Variants in TMEM119 observed in about 807,000 individuals in gnomAD.
The protein encoded by TMEM119 is transmembrane protein 119, also known as osteoblast induction factor.
For synonymous variants in TMEM119, 182 were observed against 176.4 expected (o/e 1.03, Z -0.25); for missense variants, 410 against 381.0 (o/e 1.08, Z -0.63).
intron 1 of TMEM119, among the ~76,000 whole-genome samples, chr12:108,595,306 C>T (rs1301167758): frequency 2.6e-5 from 4 of 151,262 alleles, no homozygotes; most frequent in Non-Finnish European, 5.9e-5. Context: ...TAATCATGCA[C>T]ACACGCCACA....
intron 1 of TMEM119, among the ~76,000 whole-genome samples, chr12:108,595,535 C>T (rs2031491254): frequency 1.3e-5 from 2 of 150,922 alleles, no homozygotes; most frequent in Non-Finnish European, 3.0e-5. Context: ...CCACACACAA[C>T]CACGTACACA....
chr12:108,594,770 AAAAAT>A (rs969214535), intron 1 of TMEM119, among the ~76,000 whole-genome samples: 1 of 151,946 alleles, frequency 6.6e-6, no homozygotes, highest in African/African-American at 2.4e-5. Context: ...ACCTCTACAA[AAAAAT>A]AAAAAAGTAG....
At chr12:108,594,111 G>A (rs369964203) in intron 1 of TMEM119, 1 of 152,264 alleles carries the variant, frequency 6.6e-6, no homozygotes. Context: ...TCCAGCACCT[G>A]GGCCTCAGGG....
At chr12:108,594,815 C>T (rs1014197894) in intron 1 of TMEM119, among the ~76,000 whole-genome samples, 3 of 151,866 alleles carry the variant, frequency 2.0e-5, no homozygotes, top group Admixed American at 6.6e-5. Context: ...CCTGTAGTCC[C>T]AGCTACTTGG....
intron 1 of TMEM119, among the ~76,000 whole-genome samples, chr12:108,597,234 T>C (rs1329717426): frequency 6.6e-6 from 1 of 152,068 alleles, no homozygotes; most frequent in Non-Finnish European, 1.5e-5. Context: ...GCCCCAAGAC[T>C]TGAAGCTAGG....
chr12:108,593,383 G>A lies in TMEM119; in HGVS notation c.-14-986C>T, dbSNP rs1592806311. 3.3e-5 allele frequency among the ~76,000 whole-genome samples: 5 copies of A among 152,178 alleles called. 1 individual carries two copies. Among genetic ancestry groups the A allele is most frequent in the Admixed American group, 2.6e-4 (4 of 15,290 alleles). ...CGCTTGAACCTGGGAGGCGGAGGTTGCAGTGAGCCGAGATCGCGCCACTGC... is the reference window on the plus strand; with the variant it reads ...CGCTTGAACCTGGGAGGCGGAGGTTACAGTGAGCCGAGATCGCGCCACTGC... On this transcript the variant is annotated intron_variant, in intron 1 of 1. Transcript: ENST00000392806.
intron 1 of TMEM119, chr12:108,594,614 G>A (rs1253558823): frequency 1.3e-5 from 2 of 151,236 alleles, no homozygotes; most frequent in East Asian, 3.9e-4. Context: ...TGGCTTAGAT[G>A]GAAAAAATAA....
intron 1 of TMEM119, among the ~76,000 whole-genome samples, chr12:108,594,736 G>T (rs2031476812): frequency 6.6e-6 from 1 of 151,960 alleles, no homozygotes; most frequent in Non-Finnish European, 1.5e-5. Context: ...GAGGGCAGGA[G>T]TTTGAGCAAC....
intron 1 of TMEM119, among the ~76,000 whole-genome samples, chr12:108,594,701 G>T (rs1418017688): frequency 6.6e-6 from 1 of 152,056 alleles, no homozygotes; most frequent in Non-Finnish European, 1.5e-5. Context: ...CAGCACTTTG[G>T]GAGGCCGAGG....
chr12:108,592,239 C>A lies in TMEM119; in HGVS notation c.145G>T (p.Ala49Ser). ...AGSGEAEGSSASSPSLPPPWT... is the reference protein window; with the variant it reads ...AGSGEAEGSSSSSPSLPPPWT... ...GGTGGCGGGAGGCTCGGGGAGGAGG[C>A]CGACGAGCCCTCGGCCTCCCCACTA... Residue 49 changes from alanine (A) to serine (S), a missense_variant, in exon 2 of 2, where the codon GCC becomes TCC. Transcript: ENST00000392806. This position sits in a 1 kb window ranked among gnomAD's most constrained non-coding sequence, Gnocchi z 4.3. 6.2e-7 allele frequency: 1 copy of A among 1,607,700 alleles called. No individual in the cohort carries two copies. Among genetic ancestry groups the A allele is most frequent in the Non-Finnish European group, 8.5e-7 (1 of 1,178,240 alleles).
intron 1 of TMEM119, among the ~76,000 whole-genome samples, chr12:108,597,250 G>A (rs1305208813): frequency 2.0e-5 from 3 of 152,074 alleles, no homozygotes; most frequent in Admixed American, 6.5e-5. Flanking sequence ...CTAGGGGACC[G>A]GGGGCTGCCC....
chr12:108,595,027 C>T (rs2031481271), intron 1 of TMEM119, among the ~76,000 whole-genome samples: 2 of 152,062 alleles, frequency 1.3e-5, no homozygotes. Context: ...CCTACAGGAG[C>T]CCTGAGGCAG....
chr12:108,597,298 G>A (rs1419108030), intron 1 of TMEM119, among the ~76,000 whole-genome samples: 2 of 152,130 alleles, frequency 1.3e-5, no homozygotes, highest in African/African-American at 4.8e-5. Flanking sequence ...TGGGGGAGGG[G>A]CGGCCCACGG....
intron 1 of TMEM119, among the ~76,000 whole-genome samples, chr12:108,595,818 C>T (rs2031496375): frequency 6.6e-6 from 1 of 152,220 alleles, no homozygotes; most frequent in Non-Finnish European, 1.5e-5. Context: ...TTCCTACAGA[C>T]AACCTTGAGC....
In TMEM119 at chr12:108,592,000, G is replaced by A. The variant is rs773656031; in HGVS notation, c.384C>T (p.Tyr128=). ...ACTTCTTCTTGGGGAAGGACGATGG[G>A]TAATAGGCCGAGGCCTTCTGCTTCT... The part of the protein sequence containing the change: ...TRQKQKASAY[Y]PSSFPKKKYV... The change falls in exon 2 of 2, where the codon TAC becomes TAT. Residue 128 remains tyrosine, a synonymous_variant. Transcript: ENST00000392806. The surrounding 1 kb of genome is among the most constrained non-coding windows in gnomAD (Gnocchi z 4.2). 1.2e-6 allele frequency: 2 copies of A among 1,613,890 alleles called. No individual in the cohort carries two copies. Among genetic ancestry groups the A allele is most frequent in the Admixed American group, 3.3e-5 (2 of 59,996 alleles).
intron 1 of TMEM119, among the ~76,000 whole-genome samples, chr12:108,593,687 C>A (rs978893022): frequency 1.3e-5 from 2 of 152,234 alleles, no homozygotes; most frequent in African/African-American, 2.4e-5. Flanking sequence ...GGCCTCCCTG[C>A]CCTGATGGAA....
intron 1 of TMEM119, among the ~76,000 whole-genome samples, chr12:108,593,596 G>A (rs902325180): frequency 1.3e-5 from 2 of 152,168 alleles, no homozygotes; most frequent in Non-Finnish European, 2.9e-5. Flanking sequence ...GGGCCCCAGG[G>A]TGGGGAAGTC....
At chr12:108,596,385 A>ATACACACACATGCACACATACACC (rs2031504640) in intron 1 of TMEM119, among the ~76,000 whole-genome samples, 2 of 151,792 alleles carry the variant, frequency 1.3e-5, no homozygotes, top group African/African-American at 2.4e-5. Flanking sequence ...ACACATACAC[A>ATACACACACATGCACACATACACC]TACACACACA....
chr12:108,591,567 G>A lies in TMEM119; in HGVS notation c.817C>T (p.Pro273Ser), dbSNP rs2031396826. 6.2e-7 allele frequency: 1 copy of A among 1,611,794 alleles called. No individual in the cohort carries two copies. Among genetic ancestry groups the A allele is most frequent in the African/African-American group, 1.3e-5 (1 of 74,852 alleles). ...GGGTGGACACTGCTGCAAGCACAGGGGCTTTCGGGGGGACCCACTGGTCCC... is the reference window on the plus strand; with the variant it reads ...GGGTGGACACTGCTGCAAGCACAGGAGCTTTCGGGGGGACCCACTGGTCCC... ...AQGPVGPPES[P>S]CACSSVHPSV The change falls in exon 2 of 2, where the codon CCC becomes TCC. Residue 273 changes from proline to serine, a missense_variant. Pro to Ser is a moderately conservative substitution (Grantham distance 74). Transcript: ENST00000392806. The surrounding 1 kb of genome is among the most constrained non-coding windows in gnomAD (Gnocchi z 4.2).
Sources: gnomAD v4.1 joint callset for allele counts (sites outside exome capture counted in the v4.1 genomes callset) on GRCh38, gnomAD v4.1.1 for gene constraint, Gnocchi (gnomAD v3.1) non-coding constraint, MANE v1.5 for transcripts, NCBI Gene and HGNC (gene_info 2026-07-23, HGNC 2026-07-21) for gene names.